ABCC1: variants seen among roughly 807,000 people sequenced by gnomAD.
ABCC1 encodes the protein multidrug resistance-associated protein 1.
ABCC1 carries 83 observed loss-of-function variants against 172.9 expected under a neutral mutation model. The ratio of observed to expected loss-of-function variants is 0.48; its 90% CI spans 0.40 to 0.58. ABCC1 has a LOEUF of 0.58. Among genes scored for constraint, ABCC1 ranks in the 20% least tolerant of loss-of-function variants. The probability of loss-of-function intolerance (pLI) is 0.00; values close to 1 mark genes in which losing one functional copy is unlikely to be tolerated. For synonymous variants in ABCC1, 937 were observed against 825.2 expected, an observed-to-expected ratio of 1.14 and a Z score of -2.32; for missense variants, 1,817 against 2,002.7, an observed-to-expected ratio of 0.91 and a Z score of 1.77.
chr16:15,977,773 C>A (rs1457547966), intron 1 of ABCC1, among the ~76,000 whole-genome samples: 2 of 152,134 alleles, frequency 1.3e-5, no homozygotes, highest in East Asian at 3.9e-4. Flanking sequence ...TTACTTACTT[C>A]AAGAAGCCTG....
At chr16:16,066,665 G>A (rs946413429) in intron 12 of ABCC1, among the ~76,000 whole-genome samples, 4 of 151,386 alleles carry the variant, frequency 2.6e-5, no homozygotes, top group African/African-American at 7.3e-5. Flanking sequence ...TTGGGAGGCC[G>A]AGGCAGACGG....
chr16:16,076,887 G>C (rs989341583), intron 15 of ABCC1, among the ~76,000 whole-genome samples: 7 of 152,148 alleles, frequency 4.6e-5, no homozygotes, highest in African/African-American at 7.2e-5. Flanking sequence ...GACCCAGATT[G>C]GGTCCTGTGC....
chr16:15,949,839 G>C, intron 1 of ABCC1, 40 bp downstream of exon 1: 1 of 1,190,500 alleles, frequency 8.4e-7, no homozygotes, highest in Non-Finnish European at 1.0e-6. Context: ...GGGACGGAGG[G>C]AGGCCGGCGG....
At chr16:16,081,541 G>A (rs555170698) in intron 16 of ABCC1, among the ~76,000 whole-genome samples, 16 of 152,246 alleles carry the variant, frequency 1.1e-4, no homozygotes, top group African/African-American at 3.6e-4. Flanking sequence ...GTTTTAGTTG[G>A]TGTGGTTTGT....
chr16:16,019,097 T>G (rs1245945931), intron 5 of ABCC1, among the ~76,000 whole-genome samples: 2 of 152,188 alleles, frequency 1.3e-5, no homozygotes, highest in East Asian at 1.9e-4. Flanking sequence ...GTTTGTTGTT[T>G]TTTTCTGTTG....
intron 15 of ABCC1, among the ~76,000 whole-genome samples, chr16:16,078,262 C>T (rs1393774007): frequency 6.6e-6 from 1 of 152,184 alleles, no homozygotes; most frequent in Non-Finnish European, 1.5e-5. Context: ...GCCCTCCCTT[C>T]CCTGGGAGGA....
At chr16:16,043,243 T>TTTTTTTTTCC (rs1021835519) in intron 7 of ABCC1, among the ~76,000 whole-genome samples, 3,043 of 140,294 alleles carry the variant, frequency 0.022, 79 homozygotes, top group Non-Finnish European at 0.027. Context: ...TTTTTTTTTT[T>TTTTTTTTTCC]CCACTGATGT....
intron 14 of ABCC1, among the ~76,000 whole-genome samples, chr16:16,075,173 G>A (rs2050508411): frequency 6.6e-6 from 1 of 151,974 alleles, no homozygotes; most frequent in South Asian, 2.1e-4. Context: ...TCGAACTCCT[G>A]ACATCAGGTG....
At chr16:16,000,948 A>T (rs983408220) in intron 1 of ABCC1, among the ~76,000 whole-genome samples, 4 of 152,248 alleles carry the variant, frequency 2.6e-5, no homozygotes, top group Non-Finnish European at 5.9e-5. Flanking sequence ...GAGAGGATCT[A>T]GCAAGAGGTG....
chr16:15,999,836 C>CTTTCTTTCTT (rs766054868), intron 1 of ABCC1, among the ~76,000 whole-genome samples: 51 of 16,830 alleles, frequency 3.0e-3, no homozygotes, highest in African/African-American at 9.8e-3. Context: ...CTCTCTCTGT[C>CTTTCTTTCTT]TCTTTCTTTC....
At chr16:16,070,526 G>C (rs943973893) in intron 13 of ABCC1, among the ~76,000 whole-genome samples, 1 of 152,090 alleles carries the variant, frequency 6.6e-6, no homozygotes. Flanking sequence ...TTAGCCAGGT[G>C]TGGTGGCAGG....
In ABCC1 at chr16:16,134,912, G is replaced by A. The variant is rs2045862074; in HGVS notation, c.4125+404G>A. 2.0e-5 allele frequency among the ~76,000 whole-genome samples: 3 copies of A among 152,120 alleles called. No individual in the cohort carries two copies. The South Asian group carries it at 6.2e-4, about 32-fold the overall frequency. On this transcript the variant is annotated intron_variant, in intron 28 of 30. Coordinates refer to ENST00000399410, the MANE Select transcript of ABCC1 (RefSeq NM_004996.4). Reference sequence around the variant, plus strand: ...CCACCTTGGCCTCCAAAAGTGCTGGGATTACAGGCATGAGGCACCGTGGCT... The same window carrying A: ...CCACCTTGGCCTCCAAAAGTGCTGGAATTACAGGCATGAGGCACCGTGGCT...
chr16:16,008,034 C>A (rs1192896955), intron 2 of ABCC1, 42 bp downstream of exon 2: 1 of 1,433,420 alleles, frequency 7.0e-7, no homozygotes, highest in Non-Finnish European at 9.6e-7. Context: ...TGGGAAGGTG[C>A]ACCTGGACGG....
At chr16:15,987,160 G>C (rs899934620) in intron 1 of ABCC1, among the ~76,000 whole-genome samples, 1 of 152,156 alleles carries the variant, frequency 6.6e-6, no homozygotes, top group African/African-American at 2.4e-5. Flanking sequence ...ACGAGACCCT[G>C]TGTCAGAAAA....
intron 1 of ABCC1, among the ~76,000 whole-genome samples, chr16:15,962,821 G>A (rs1182452061): frequency 1.3e-5 from 2 of 152,176 alleles, no homozygotes; most frequent in Admixed American, 6.5e-5. Context: ...AGATTTGTGC[G>A]GGGACACAGA....
chr16:15,988,554 G>C (rs1243854176), intron 1 of ABCC1, among the ~76,000 whole-genome samples: 1 of 152,194 alleles, frequency 6.6e-6, no homozygotes, highest in Non-Finnish European at 1.5e-5. Flanking sequence ...AAGAGGAGAG[G>C]AAGTGGCTGG....
chr16:16,072,027 A>T (rs2050369613), intron 14 of ABCC1, among the ~76,000 whole-genome samples: 1 of 151,992 alleles, frequency 6.6e-6, no homozygotes, highest in South Asian at 2.1e-4. Context: ...GTCACTTTCC[A>T]AGGCTTTGAC....
intron 13 of ABCC1, among the ~76,000 whole-genome samples, chr16:16,068,964 G>A (rs2050217303): frequency 6.7e-6 from 1 of 148,576 alleles, no homozygotes; most frequent in Non-Finnish European, 1.5e-5. Flanking sequence ...TCCAGTCTGG[G>A]TGACACAGCA....
chr16:15,969,300 C>T (rs901431018), intron 1 of ABCC1, among the ~76,000 whole-genome samples: 2 of 151,354 alleles, frequency 1.3e-5, no homozygotes, highest in African/African-American at 4.8e-5. Context: ...TATTTAATTG[C>T]AGATGAAATG....
Sources: allele counts gnomAD v4.1 joint callset (sites outside exome capture counted in the v4.1 genomes callset), GRCh38; gene constraint gnomAD v4.1.1; transcripts MANE v1.5; gene names NCBI Gene and HGNC (gene_info 2026-07-23, HGNC 2026-07-21).